Variants in METTL9 observed in about 807,000 individuals in gnomAD.
METTL9 encodes the protein protein-L-histidine N-pros-methyltransferase.
METTL9 carries 10 observed loss-of-function variants against 36.0 expected under a neutral mutation model. The observed-to-expected ratio is 0.28, with a 90% CI of 0.17 to 0.47. METTL9 has a LOEUF of 0.47. METTL9 is among the 20% of genes least tolerant of loss of function. The pLI is 0.99. For synonymous variants in METTL9, 175 were observed against 149.7 expected (o/e 1.17, Z -1.23); for missense variants, 246 against 383.5 (o/e 0.64, Z 3.00).
intron 1 of METTL9, among the ~76,000 whole-genome samples, chr16:21,604,635 C>G (rs904589503): frequency 2.6e-5 from 4 of 152,130 alleles, no homozygotes; most frequent in Non-Finnish European, 5.9e-5. Context: ...AATATTTACG[C>G]CTATGCTGTG....
chr16:21,599,891 A>G lies in METTL9; in HGVS notation c.158A>G (p.Asn53Ser), dbSNP rs916797569. The change falls in exon 1 of 5, where the codon AAC becomes AGC. Residue 53 changes from asparagine (N) to serine (S), a missense_variant. Asn to Ser is a conservative substitution (Grantham distance 46, BLOSUM62 1). Transcript: ENST00000358154. The surrounding 1 kb of genome is among the most constrained non-coding windows in gnomAD (Gnocchi z 4.4). ...PAAAAGGRKE[N>S]HQWYVCNREK... is the part of the protein sequence containing the mutation. ...GCGGCCGCGGGCGGCAGGAAGGAGAACCACCAGGTACGGGCTGGGGCCGGG... is the reference window on the plus strand; with the variant it reads ...GCGGCCGCGGGCGGCAGGAAGGAGAGCCACCAGGTACGGGCTGGGGCCGGG... The G allele has an allele frequency of 5.5e-6, 8 of 1,450,664 alleles. No individual in the cohort carries two copies. Among genetic ancestry groups the G allele is most frequent in the Non-Finnish European group, 7.3e-6 (8 of 1,103,282 alleles). 89.9% of individuals were successfully genotyped at this position (1,450,664 alleles called of 1,614,324 possible).
intron 4 of METTL9, among the ~76,000 whole-genome samples, chr16:21,639,172 A>G (rs776002077): frequency 4.6e-5 from 7 of 152,230 alleles, no homozygotes; most frequent in Non-Finnish European, 7.3e-5. Context: ...TACTGTGTAT[A>G]CACCAGATAT....
chr16:21,633,303 G>A lies in METTL9; in HGVS notation c.751+8188G>A, dbSNP rs577134710. 2.1e-3 allele frequency among the ~76,000 whole-genome samples: 319 copies of A among 152,292 alleles called. 2 individuals carry two copies. The highest frequency in any genetic ancestry group is 0.018 in the South Asian group (85 of 4,828). ...CCTTGTACCTTTGATTAGCTAGAAC[G>A]TTCAAGAGATCTAGAGCAGCCTGCT... On this transcript the variant is annotated intron_variant, in intron 4 of 4. Transcript: ENST00000358154.
At chr16:21,618,240 G>A (rs909278728) in intron 3 of METTL9, among the ~76,000 whole-genome samples, 166 bp downstream of exon 3, 1 of 152,202 alleles carries the variant, frequency 6.6e-6, no homozygotes, top group Middle Eastern at 3.4e-3. Flanking sequence ...TTTCTGGAGC[G>A]GAGGGGTTGG....
intron 4 of METTL9, among the ~76,000 whole-genome samples, chr16:21,649,797 C>T (rs1597789413): frequency 6.6e-6 from 1 of 152,148 alleles, no homozygotes; most frequent in African/African-American, 2.4e-5. Context: ...TAGCCTTTGT[C>T]TTCTGGGCTC....
Position 21,634,425 on chromosome 16 carries a change from C to T in METTL9, c.751+9310C>T, listed in dbSNP as rs114478873. On this transcript the variant is annotated intron_variant, in intron 4 of 4. Coordinates refer to ENST00000358154, the MANE Select transcript of METTL9 (RefSeq NM_016025.5). Reference sequence around the variant, plus strand: ...ATAGTGGACATGGATGAGGGGGCGGCTTATTTCTCATTGGACAATCTTTCT... The same window carrying T: ...ATAGTGGACATGGATGAGGGGGCGGTTTATTTCTCATTGGACAATCTTTCT... 4.6e-3 allele frequency among the ~76,000 whole-genome samples: 705 copies of T among 152,266 alleles called. 10 individuals are homozygous for T. The highest frequency in any genetic ancestry group is 0.016 in the African/African-American group (681 of 41,552).
intron 4 of METTL9, chr16:21,647,434 G>T: frequency 6.2e-7 from 1 of 1,614,070 alleles, no homozygotes; most frequent in Non-Finnish European, 8.5e-7. Flanking sequence ...CCTCATGAGT[G>T]TAGTCCACTT....
Position 21,656,256 on chromosome 16 carries a change from A to T in METTL9, c.*824A>T, listed in dbSNP as rs1966707259. Reference sequence around the variant, plus strand: ...CTGACTTTGTGATCACTCATGTCCCATACACTGAACTTTGTTTTTTTCTGG... The same window carrying T: ...CTGACTTTGTGATCACTCATGTCCCTTACACTGAACTTTGTTTTTTTCTGG... On this transcript the variant is annotated 3_prime_UTR_variant, in exon 5 of 5. Coordinates refer to ENST00000358154, the MANE Select transcript of METTL9 (RefSeq NM_016025.5). The T allele has an allele frequency of 7.1e-6, 1 of 141,730 alleles. No individual in the cohort carries two copies. 8.8% of individuals were successfully genotyped at this position (141,730 alleles called of 1,614,324 possible).
At chr16:21,606,848 T>C (rs2152892910) in intron 1 of METTL9, among the ~76,000 whole-genome samples, 1 of 152,350 alleles carries the variant, frequency 6.6e-6, no homozygotes. Context: ...CTGACTCTGC[T>C]AGTGTGCTTA....
rs772495166 is a variant in METTL9, at chr16:21,656,323, A to G, written c.*891A>G. 7.9e-5 allele frequency: 12 copies of G among 152,082 alleles called. No homozygotes were observed. The highest frequency in any genetic ancestry group is 1.4e-4 in the African/African-American group (6 of 41,430). The allele number at this position is 152,082 out of a possible 1,614,324, so 9.4% of individuals were successfully genotyped here. A position where few individuals can be genotyped will look rare whatever the true frequency, so the allele number is the denominator to read the frequency against. Reference sequence around the variant, plus strand: ...AGAATTGAAACATTCAGTTTTGTCTACTGACAAAATGCAACTAAAAATGTT... The same window carrying G: ...AGAATTGAAACATTCAGTTTTGTCTGCTGACAAAATGCAACTAAAAATGTT... On this transcript the variant is annotated 3_prime_UTR_variant, in exon 5 of 5. Coordinates refer to ENST00000358154, the MANE Select transcript of METTL9 (RefSeq NM_016025.5).
At chr16:21,621,149 AGTGTGT>A (rs112846012) in intron 3 of METTL9, among the ~76,000 whole-genome samples, 37 of 144,710 alleles carry the variant, frequency 2.6e-4, no homozygotes, top group African/African-American at 8.1e-4. Context: ...TGAGAGAGAG[AGTGTGT>A]GTGTGTGTGT....
At chr16:21,649,602 A>C (rs1358588394) in intron 4 of METTL9, among the ~76,000 whole-genome samples, 4 of 152,236 alleles carry the variant, frequency 2.6e-5, no homozygotes, top group African/African-American at 9.6e-5. Context: ...GGTCTGCCAA[A>C]ACTTAGCAAA....
chr16:21,648,109 A>G (rs1449771137), intron 4 of METTL9, among the ~76,000 whole-genome samples: 1 of 152,176 alleles, frequency 6.6e-6, no homozygotes, highest in Non-Finnish European at 1.5e-5. Context: ...GGCTTAGCCT[A>G]CCATGTCTTT....
At chr16:21,614,394 C>G (rs539159524) in intron 2 of METTL9, among the ~76,000 whole-genome samples, 1 of 152,058 alleles carries the variant, frequency 6.6e-6, no homozygotes, top group African/African-American at 2.4e-5. Context: ...ACTTTTATTT[C>G]CCCTTTCCTC....
chr16:21,629,380 C>T (rs2141593627), intron 4 of METTL9, among the ~76,000 whole-genome samples: 1 of 152,218 alleles, frequency 6.6e-6, no homozygotes, highest in South Asian at 2.1e-4. Flanking sequence ...CTACCTTCTG[C>T]CATGCAAGGA....
At chr16:21,647,139 C>A (rs531915033) in intron 4 of METTL9, 5 of 1,614,172 alleles carry the variant, frequency 3.1e-6, no homozygotes, top group Non-Finnish European at 4.2e-6. Flanking sequence ...TGACCTCTTA[C>A]CACCAGTGTG....
intron 4 of METTL9, chr16:21,642,402 A>T (rs1405041332): frequency 6.6e-6 from 1 of 152,234 alleles, no homozygotes; most frequent in African/African-American, 2.4e-5. Context: ...CATAAATTTT[A>T]AAAAATAAAT....
chr16:21,647,049 G>C (rs181858671), intron 4 of METTL9: 188 of 1,569,918 alleles, frequency 1.2e-4, no homozygotes, highest in Middle Eastern at 1.7e-4. Flanking sequence ...TTTATCTCCT[G>C]ATTTCTACAT....
intron 4 of METTL9, chr16:21,654,814 A>G (rs760996885): frequency 2.4e-5 from 4 of 165,626 alleles, no homozygotes; most frequent in Non-Finnish European, 5.3e-5. Context: ...TTTGTCCAAA[A>G]CTGTCCTTCA....
Sources: allele counts gnomAD v4.1 joint callset (sites outside exome capture counted in the v4.1 genomes callset), GRCh38; gene constraint gnomAD v4.1.1; non-coding constraint Gnocchi (gnomAD v3.1); transcripts MANE v1.5; gene names NCBI Gene and HGNC (gene_info 2026-07-23, HGNC 2026-07-21).